Variants in FRY observed in about 807,000 individuals in gnomAD.
FRY encodes the protein protein furry homolog.
A neutral mutation model predicts 348.4 loss-of-function variants in FRY; 128 were observed. The ratio of observed to expected loss-of-function variants is 0.37; its 90% CI spans 0.32 to 0.43. FRY has a LOEUF of 0.43. FRY is among the 20% of genes least tolerant of loss of function. The pLI is 1.00. For missense variants in FRY, 2,736 were observed against 3,695.2 expected (o/e 0.74, Z 6.73); for synonymous variants, 1,370 against 1,374.7 (o/e 1.00, Z 0.08).
intron 49 of FRY, 57 bp from the exon 50 acceptor site, chr13:32,251,821 A>C: frequency 1.8e-6 from 2 of 1,083,966 alleles, no homozygotes; most frequent in South Asian, 2.5e-5. Context: ...CTAGAAAATT[A>C]GAGCAGATTT....
intron 3 of FRY, among the ~76,000 whole-genome samples, chr13:32,107,769 G>A (rs557524257): frequency 1.3e-5 from 2 of 152,290 alleles, no homozygotes; most frequent in African/African-American, 2.4e-5. Context: ...GCCCTGAGGA[G>A]CCAGGGAGGC....
chr13:32,158,951 C>CAAAAAAA (rs35585320), intron 16 of FRY, among the ~76,000 whole-genome samples: 1 of 32,782 alleles, frequency 3.1e-5, no homozygotes, highest in African/African-American at 1.1e-4. Flanking sequence ...GCTGTTTCCT[C>CAAAAAAA]AAAAAAAAAA....
chr13:32,096,802 CAAA>C (rs10680393), intron 2 of FRY, among the ~76,000 whole-genome samples: 4,551 of 77,420 alleles, frequency 0.059, 58 homozygotes, highest in East Asian at 0.24. Flanking sequence ...GACTCTGTCT[CAAA>C]AAAAAAAAAA....
intron 3 of FRY, among the ~76,000 whole-genome samples, chr13:32,109,440 A>T (rs1194922068): frequency 6.6e-6 from 1 of 152,216 alleles, no homozygotes; most frequent in Non-Finnish European, 1.5e-5. Context: ...GGAGTTAATG[A>T]TGCTAGGAAG....
chr13:32,262,332 T>C lies in FRY; in HGVS notation c.7636T>C (p.Ser2546Pro), dbSNP rs1593816897. 2 of 1,613,798 alleles carry C rather than the reference T, an allele frequency of 1.2e-6. No individual in the cohort carries two copies. The highest frequency in any genetic ancestry group is 2.2e-5 in the East Asian group (1 of 44,872). Residue 2546 changes from serine (S) to proline (P), a missense_variant, in exon 53 of 61, where the codon TCT (serine) becomes CCT (proline). Around this residue, in one of 9 missense-constraint regions of FRY, gnomAD observed 789 missense variants for 996.2 expected, o/e 0.79. Transcript: ENST00000542859. The part of the protein sequence containing the change: ...HSDLIMTLSP[S>P]EETNPMELLT... ...TAAACAGATCATGACTCTCTCCCCC[T>C]CTGAAGAGACGAATCCCATGGAGCT...
intron 2 of FRY, among the ~76,000 whole-genome samples, chr13:32,085,654 T>A (rs1593595380): frequency 6.6e-6 from 1 of 152,198 alleles, no homozygotes; most frequent in Non-Finnish European, 1.5e-5. Context: ...TGCTCATTTG[T>A]CCTCATCACC....
At chr13:32,247,579 A>G in intron 48 of FRY, 77 bp downstream of exon 48, 2 of 1,107,396 alleles carry the variant, frequency 1.8e-6, no homozygotes, top group South Asian at 2.5e-5. Flanking sequence ...AGTTGCCTGG[A>G]AAAAAGAAGA....
At chr13:32,068,911 CTTTTT>C (rs142807722) in intron 1 of FRY, among the ~76,000 whole-genome samples, 5 of 82,878 alleles carry the variant, frequency 6.0e-5, no homozygotes, top group African/African-American at 4.7e-5. Context: ...ATGTTCAATT[CTTTTT>C]TTTTTTTTTT....
At chr13:32,266,864 G>T (rs1566181114) in intron 54 of FRY, among the ~76,000 whole-genome samples, 1 of 152,184 alleles carries the variant, frequency 6.6e-6, no homozygotes, top group Non-Finnish European at 1.5e-5. Flanking sequence ...CACGCCTGTA[G>T]TCCCAGTTAC....
In FRY at chr13:32,185,096, T is replaced by C; in HGVS notation, c.3267T>C (p.Asp1089=). Residue 1089 remains aspartate, a synonymous_variant, in exon 26 of 61, where the codon GAT becomes GAC. Transcript: ENST00000542859. ...ENDKEVEILK[D]IRAHFSAMVA... ...ACAAAGAAGTTGAAATTCTTAAAGA[T>C]ATCCGGGCACATTTTAGTGCAATGG... 6.2e-7 allele frequency: 1 copy of C among 1,614,044 alleles called. No homozygotes were observed. The highest frequency in any genetic ancestry group is 8.5e-7 in the Non-Finnish European group (1 of 1,179,882).
chr13:32,112,369 T>C (rs1200677506), intron 3 of FRY, among the ~76,000 whole-genome samples: 1 of 152,130 alleles, frequency 6.6e-6, no homozygotes, highest in African/African-American at 2.4e-5. Flanking sequence ...CCCAATGAGG[T>C]AAGTATTTAG....
At chr13:32,153,520 A>G (rs966838130) in intron 14 of FRY, among the ~76,000 whole-genome samples, 1 of 152,188 alleles carries the variant, frequency 6.6e-6, no homozygotes, top group Non-Finnish European at 1.5e-5. Context: ...GTCAGGTGCT[A>G]GGGTTAGGAG....
chr13:32,183,502 G>A (rs999072146), intron 24 of FRY, among the ~76,000 whole-genome samples: 1 of 152,220 alleles, frequency 6.6e-6, no homozygotes. Flanking sequence ...AAAGGGCCAG[G>A]CGCGATGGCG....
chr13:32,206,696 T>G (rs1593739933), intron 31 of FRY, among the ~76,000 whole-genome samples: 2 of 152,184 alleles, frequency 1.3e-5, no homozygotes, highest in African/African-American at 2.4e-5. Context: ...TGCAAGCAGG[T>G]TCAACCTACA....
chr13:32,032,585 C>T (rs1872295576), intron 1 of FRY, among the ~76,000 whole-genome samples: 1 of 152,132 alleles, frequency 6.6e-6, no homozygotes, highest in African/African-American at 2.4e-5. Flanking sequence ...TCCTGAAGTT[C>T]CATTTCTGAC....
chr13:32,105,437 A>G, intron 3 of FRY, among the ~76,000 whole-genome samples: 1 of 152,238 alleles, frequency 6.6e-6, no homozygotes, highest in Non-Finnish European at 1.5e-5. Flanking sequence ...CAATCTCAGC[A>G]GCACTAAAAC....
intron 59 of FRY, among the ~76,000 whole-genome samples, chr13:32,291,482 C>T (rs944283223): frequency 4.6e-5 from 7 of 150,840 alleles, no homozygotes; most frequent in Admixed American, 6.6e-5. Context: ...CTCAGCTTAC[C>T]GCAACCTCCG....
At chr13:32,061,047 G>A (rs974657897) in intron 1 of FRY, 16 of 522,044 alleles carry the variant, frequency 3.1e-5, no homozygotes, top group African/African-American at 2.7e-4. Context: ...TTTTGGCTTT[G>A]GAACATGGTC....
At chr13:32,049,565 G>A (rs1873212847) in intron 1 of FRY, among the ~76,000 whole-genome samples, 1 of 152,118 alleles carries the variant, frequency 6.6e-6, no homozygotes, top group Non-Finnish European at 1.5e-5. Flanking sequence ...CTCCCAAGTA[G>A]CTGGGACTAC....
Sources: gnomAD v4.1 joint callset for allele counts (sites outside exome capture counted in the v4.1 genomes callset) on GRCh38, gnomAD v4.1.1 for gene constraint, gnomAD v4.1.1 regional missense constraint, MANE v1.5 for transcripts, NCBI Gene and HGNC (gene_info 2026-07-23, HGNC 2026-07-21) for gene names.